The following LPP variants were observed in gnomAD, a reference collection of about 807,000 sequenced individuals.
LPP encodes the protein lipoma-preferred partner.
LPP carries 38 observed loss-of-function variants against 60.4 expected under a neutral mutation model. That is an observed-to-expected ratio of 0.63 (90% confidence interval 0.49 to 0.83). The LOEUF (loss-of-function observed/expected upper bound fraction) is 0.83. LPP is among the 40% of genes least tolerant of loss of function. The pLI, the probability that LPP is intolerant of heterozygous loss-of-function variation, is 0.00. For synonymous variants in LPP, 328 were observed against 290.8 expected (o/e 1.13, Z -1.30); for missense variants, 902 against 783.6 (o/e 1.15, Z -1.80).
At chr3:188,338,193 T>C (rs1452737294) in intron 2 of LPP, among the ~76,000 whole-genome samples, 3 of 152,256 alleles carry the variant, frequency 2.0e-5, no homozygotes, top group Non-Finnish European at 4.4e-5. Context: ...AATTAAATCC[T>C]GGCAAACATT....
chr3:188,312,584 C>T (rs769744785), intron 2 of LPP, among the ~76,000 whole-genome samples: 1 of 152,068 alleles, frequency 6.6e-6, no homozygotes, highest in Non-Finnish European at 1.5e-5. Flanking sequence ...GTTATTTCTT[C>T]TGCTCTTTCT....
intron 7 of LPP, among the ~76,000 whole-genome samples, chr3:188,651,316 A>C (rs1302035745): frequency 6.6e-6 from 1 of 152,206 alleles, no homozygotes; most frequent in Non-Finnish European, 1.5e-5. Context: ...TGTATATGAG[A>C]TAAGATAATG....
At chr3:188,755,027 C>A (rs1466470867) in intron 8 of LPP, among the ~76,000 whole-genome samples, 1 of 152,098 alleles carries the variant, frequency 6.6e-6, no homozygotes, top group Non-Finnish European at 1.5e-5. Context: ...ATTTCACTAC[C>A]CTTATATAAT....
Position 188,484,607 on chromosome 3 carries a change from C to T in LPP, c.209C>T (p.Pro70Leu). The T allele has an allele frequency of 5.0e-6, 8 of 1,612,968 alleles. No homozygotes were observed. The highest frequency in any genetic ancestry group is 1.1e-5 in the South Asian group (1 of 90,964). The change falls in exon 5 of 12, where the codon CCC becomes CTC. Residue 70 changes from proline (P) to leucine (L), a missense_variant. Physicochemically the swap from Pro to Leu is moderately conservative, Grantham distance 98. Coordinates refer to ENST00000617246, the MANE Select transcript of LPP (RefSeq NM_001375462.1). ...QPGGEGDFLP[P>L]PPPPLDDSSA... Reference sequence around the variant, plus strand: ...TTTTCTGTAGGTGATTTTCTTCCACCCCCACCTCCACCTCTAGATGATTCC... The same window carrying T: ...TTTTCTGTAGGTGATTTTCTTCCACTCCCACCTCCACCTCTAGATGATTCC...
chr3:188,597,018 A>G (rs1358330381), intron 6 of LPP, among the ~76,000 whole-genome samples: 1 of 152,128 alleles, frequency 6.6e-6, no homozygotes, highest in Non-Finnish European at 1.5e-5. Flanking sequence ...TTAAAGAACA[A>G]AACTGGGTTT....
intron 7 of LPP, among the ~76,000 whole-genome samples, chr3:188,641,557 C>A (rs567496053): frequency 4.1e-4 from 62 of 152,216 alleles, no homozygotes; most frequent in Admixed American, 9.2e-4. Flanking sequence ...TCAGTAGTTA[C>A]AACTATTGAA....
intron 4 of LPP, among the ~76,000 whole-genome samples, chr3:188,439,903 G>A (rs184045202): frequency 3.7e-4 from 57 of 152,308 alleles, no homozygotes; most frequent in African/African-American, 1.4e-3. Context: ...CTAAAGTTGT[G>A]CAGGATAGGA....
intron 6 of LPP, among the ~76,000 whole-genome samples, chr3:188,565,716 G>A (rs1429034263): frequency 1.3e-5 from 2 of 151,896 alleles, no homozygotes; most frequent in South Asian, 2.1e-4. Flanking sequence ...GAAACTTAAA[G>A]TACCAAATAG....
chr3:188,704,294 C>T (rs1246763020), intron 7 of LPP, among the ~76,000 whole-genome samples: 1 of 152,090 alleles, frequency 6.6e-6, no homozygotes, highest in African/African-American at 2.4e-5. Context: ...AAGAGATCCT[C>T]TTTGTTACAA....
intron 8 of LPP, chr3:188,712,111 G>A (rs1711775128): frequency 6.6e-6 from 1 of 152,226 alleles, no homozygotes; most frequent in Non-Finnish European, 1.5e-5. Context: ...GAACGTTATT[G>A]TCTATAATGA....
At chr3:188,354,859 A>G (rs1232941583) in intron 3 of LPP, among the ~76,000 whole-genome samples, 1 of 149,622 alleles carries the variant, frequency 6.7e-6, no homozygotes, top group Non-Finnish European at 1.5e-5. Flanking sequence ...AGGGAGGACA[A>G]AAAGGAAATA....
At chr3:188,840,600 G>T (rs916779138) in intron 9 of LPP, among the ~76,000 whole-genome samples, 14 of 152,140 alleles carry the variant, frequency 9.2e-5, no homozygotes, top group African/African-American at 3.4e-4. Context: ...CTGGGCTCAA[G>T]TGATCCTTCC....
At chr3:188,683,044 G>A (rs1441604711) in intron 7 of LPP, among the ~76,000 whole-genome samples, 3 of 152,080 alleles carry the variant, frequency 2.0e-5, no homozygotes, top group Non-Finnish European at 4.4e-5. Context: ...GGGAAAGCTA[G>A]CATTAGTTTT....
intron 3 of LPP, among the ~76,000 whole-genome samples, chr3:188,382,935 C>G (rs1278523281): frequency 6.6e-6 from 1 of 152,120 alleles, no homozygotes; most frequent in African/African-American, 2.4e-5. Context: ...GCAATGATGA[C>G]CTTAGTGTGT....
intron 7 of LPP, among the ~76,000 whole-genome samples, chr3:188,669,372 C>T (rs547516394): frequency 2.2e-4 from 34 of 151,936 alleles, no homozygotes; most frequent in Non-Finnish European, 4.0e-4. Flanking sequence ...GTCAGGAGAT[C>T]GAGACCATCC....
chr3:188,525,414 A>T (rs1034176168), intron 6 of LPP, among the ~76,000 whole-genome samples: 15 of 152,348 alleles, frequency 9.8e-5, no homozygotes, highest in African/African-American at 3.1e-4. Context: ...CAAAAATGTT[A>T]TATAAAAAAG....
intron 1 of LPP, among the ~76,000 whole-genome samples, chr3:188,176,683 T>G (rs952796826): frequency 5.3e-5 from 8 of 152,234 alleles, no homozygotes; most frequent in Admixed American, 1.3e-4. Context: ...AGCAGTGCAG[T>G]AGTCTGAAAA....
rs1042425878 is a variant in LPP at position 188,280,931 on chromosome 3, G to T, written c.-67+55404G>T. On this transcript the variant is annotated intron_variant, in intron 2 of 11. Coordinates refer to ENST00000617246, the MANE Select transcript of LPP (RefSeq NM_001375462.1). Reference sequence around the variant, plus strand: ...TGGGGCTAATGATAGGACGACAAAGGAATTTTTTTTTTTTTTTTTTTAAGA... The same window carrying T: ...TGGGGCTAATGATAGGACGACAAAGTAATTTTTTTTTTTTTTTTTTTAAGA... Among the ~76,000 whole-genome samples the T allele has an allele frequency of 1.4e-4, 16 of 113,570 alleles. No homozygotes were observed. In the East Asian group the frequency reaches 3.0e-3, roughly 22 times the overall value. The allele number at this position is 113,570 out of a possible 152,430, so 74.5% of individuals were successfully genotyped here.
At chr3:188,361,540 TCCTC>T (rs1769369539) in intron 3 of LPP, among the ~76,000 whole-genome samples, 1 of 97,944 alleles carries the variant, frequency 1.0e-5, no homozygotes, top group African/African-American at 6.0e-5. Context: ...TCCTCTCCTC[TCCTC>T]CCCTCTCCTC....
Sources: allele counts gnomAD v4.1 joint callset (sites outside exome capture counted in the v4.1 genomes callset), GRCh38; gene constraint gnomAD v4.1.1; transcripts MANE v1.5; gene names NCBI Gene and HGNC (gene_info 2026-07-23, HGNC 2026-07-21).